The following DLG2 variants were observed in gnomAD, a reference collection of about 807,000 sequenced individuals.
DLG2 encodes the protein disks large homolog 2.
Under a neutral mutation model 132.5 loss-of-function variants are expected in DLG2, and 45 were observed. That is an observed-to-expected ratio of 0.34 (90% confidence interval 0.27 to 0.44). The LOEUF is 0.44. DLG2 is among the 20% of genes least tolerant of loss of function. The pLI, the probability that DLG2 is intolerant of heterozygous loss-of-function variation, is 1.00. For synonymous variants in DLG2, 424 were observed against 419.6 expected, an observed-to-expected ratio of 1.01 and a Z score of -0.13; for missense variants, 1,045 against 1,196.9, an observed-to-expected ratio of 0.87 and a Z score of 1.87.
chr11:84,208,491 G>A lies in DLG2; in HGVS notation c.573+42747C>T, dbSNP rs149135113. ...CCTGAGTAGCTGGGACTACAGGTGC[G>A]CGCCACCACACATGGCTAATTTTTG... On this transcript the variant is annotated intron_variant, in intron 8 of 27. Coordinates refer to ENST00000376104, the MANE Select transcript of DLG2 (RefSeq NM_001142699.3). Among the ~76,000 whole-genome samples, 464 of 151,808 alleles carry A rather than the reference G, an allele frequency of 3.1e-3. 3 individuals are homozygous for A. The highest frequency in any genetic ancestry group is 0.011 in the African/African-American group (436 of 41,434).
chr11:84,826,118 C>T (rs907552515), intron 6 of DLG2, among the ~76,000 whole-genome samples: 6 of 151,798 alleles, frequency 4.0e-5, no homozygotes, highest in Admixed American at 6.6e-5. Flanking sequence ...AATATTTTGA[C>T]ACAGGCATGC....
chr11:84,049,605 T>C (rs2154117962), intron 11 of DLG2, among the ~76,000 whole-genome samples: 1 of 151,962 alleles, frequency 6.6e-6, no homozygotes, highest in African/African-American at 2.4e-5. Context: ...GAGCTTGTAC[T>C]TTCCTTTTAA....
intron 6 of DLG2, among the ~76,000 whole-genome samples, chr11:84,597,636 A>G (rs1274467743): frequency 6.6e-6 from 1 of 152,224 alleles, no homozygotes; most frequent in Non-Finnish European, 1.5e-5. Flanking sequence ...ACCATGAACC[A>G]TTAAAGCAGC....
At chr11:84,023,013 C>CA (rs1286514157) in intron 11 of DLG2, among the ~76,000 whole-genome samples, 16 of 151,372 alleles carry the variant, frequency 1.1e-4, no homozygotes, top group African/African-American at 1.5e-4. Flanking sequence ...CAGTAGGATA[C>CA]AAAAAAAATG....
chr11:84,736,724 T>A (rs1174038686), intron 6 of DLG2, among the ~76,000 whole-genome samples: 1 of 152,016 alleles, frequency 6.6e-6, no homozygotes, highest in Admixed American at 6.6e-5. Context: ...ATACAAAGTT[T>A]GTATATTGTC....
At chr11:84,041,309 A>G (rs2096072908) in intron 11 of DLG2, among the ~76,000 whole-genome samples, 2 of 151,980 alleles carry the variant, frequency 1.3e-5, no homozygotes, top group Admixed American at 1.3e-4. Context: ...AAATTCCTAG[A>G]AGTAGAATCA....
At chr11:84,696,773 AAGT>A (rs2058661839) in intron 6 of DLG2, among the ~76,000 whole-genome samples, 1 of 151,506 alleles carries the variant, frequency 6.6e-6, no homozygotes, top group Non-Finnish European at 1.5e-5. Flanking sequence ...ATGGAGGAAG[AAGT>A]GAGAAAGAAT....
At position 84,090,776 on chromosome 11, in the gene DLG2, C is replaced by T. The variant is rs191409057; in HGVS notation, c.749+8147G>A. Among the ~76,000 whole-genome samples the T allele has an allele frequency of 4.6e-5, 7 of 152,174 alleles. No individual in the cohort carries two copies. In the East Asian group the frequency reaches 1.4e-3, roughly 29 times the overall value. On this transcript the variant is annotated intron_variant, in intron 10 of 27. Transcript: ENST00000376104. Reference sequence around the variant, plus strand: ...AGAAATTCTATAGTAGAAATATATACTAAGGAAATAATGAGGTACAAGGTT... The same window carrying T: ...AGAAATTCTATAGTAGAAATATATATTAAGGAAATAATGAGGTACAAGGTT...
chr11:84,560,093 CT>C (rs989379624), intron 6 of DLG2, among the ~76,000 whole-genome samples: 1 of 151,978 alleles, frequency 6.6e-6, no homozygotes, highest in Non-Finnish European at 1.5e-5. Context: ...TTTGCATAAT[CT>C]TTTTAGATTC....
At chr11:83,752,166 G>C (rs903598485) in intron 18 of DLG2, among the ~76,000 whole-genome samples, 1 of 152,216 alleles carries the variant, frequency 6.6e-6, no homozygotes, top group South Asian at 2.1e-4. Flanking sequence ...TACTCATGAG[G>C]CTGAGGTAGG....
chr11:84,447,456 T>C (rs971245101), intron 7 of DLG2, among the ~76,000 whole-genome samples: 8 of 152,178 alleles, frequency 5.3e-5, no homozygotes, highest in African/African-American at 1.9e-4. Context: ...TTCTGTTTAA[T>C]CATCCTGTGA....
intron 6 of DLG2, among the ~76,000 whole-genome samples, chr11:84,808,665 AC>A (rs1241018670): frequency 6.6e-6 from 1 of 152,012 alleles, no homozygotes; most frequent in Non-Finnish European, 1.5e-5. Context: ...AGAAGTGAGT[AC>A]TACAAACAGT....
chr11:84,522,500 C>T (rs894468439), intron 7 of DLG2, among the ~76,000 whole-genome samples: 4 of 152,180 alleles, frequency 2.6e-5, no homozygotes, highest in African/African-American at 9.6e-5. Context: ...CTCTAACATA[C>T]TCAGTGTTCT....
intron 4 of DLG2, among the ~76,000 whole-genome samples, chr11:85,228,499 C>G (rs1319516478): frequency 6.6e-6 from 1 of 151,964 alleles, no homozygotes; most frequent in African/African-American, 2.4e-5. Flanking sequence ...TCTTTTTAAC[C>G]TTTGTTGGTA....
intron 8 of DLG2, among the ~76,000 whole-genome samples, chr11:84,196,233 C>T (rs1442692662): frequency 1.3e-5 from 2 of 152,104 alleles, no homozygotes; most frequent in Non-Finnish European, 2.9e-5. Flanking sequence ...AGATAACTGT[C>T]ATAAAACATG....
chr11:84,633,239 T>C (rs2154544047), intron 6 of DLG2, among the ~76,000 whole-genome samples: 1 of 152,288 alleles, frequency 6.6e-6, no homozygotes, highest in Non-Finnish European at 1.5e-5. Context: ...ATACAAAGCT[T>C]TTCTTGATCT....
At chr11:84,638,997 T>C (rs12365964) in intron 6 of DLG2, among the ~76,000 whole-genome samples, 23,893 of 152,200 alleles carry the variant, frequency 0.16, 2,261 homozygotes, top group South Asian at 0.27. Context: ...ACTGATAAAA[T>C]CTGAGAGCAC....
At chr11:85,188,925 C>G (rs1015555192) in intron 4 of DLG2, among the ~76,000 whole-genome samples, 2 of 152,022 alleles carry the variant, frequency 1.3e-5, no homozygotes, top group African/African-American at 4.8e-5. Flanking sequence ...GGGAAACAGA[C>G]AGTAAAAATA....
At chr11:85,104,999 G>A (rs2071507438) in intron 6 of DLG2, among the ~76,000 whole-genome samples, 1 of 150,078 alleles carries the variant, frequency 6.7e-6, no homozygotes, top group Admixed American at 6.7e-5. Flanking sequence ...AAAAATTACA[G>A]AAAGAGGAAG....
Sources: allele counts gnomAD v4.1 joint callset (sites outside exome capture counted in the v4.1 genomes callset), GRCh38; gene constraint gnomAD v4.1.1; transcripts MANE v1.5; gene names NCBI Gene and HGNC (gene_info 2026-07-23, HGNC 2026-07-21).